PAG1: variants seen among roughly 807,000 people sequenced by gnomAD.
The protein encoded by PAG1 is phosphoprotein associated with glycosphingolipid-enriched microdomains 1.
A neutral mutation model predicts 31.7 loss-of-function variants in PAG1; 23 were observed. The observed-to-expected ratio is 0.73, with a 90% confidence interval of 0.52 to 1.03. The LOEUF (loss-of-function observed/expected upper bound fraction) is 1.03. PAG1 is among the 50% of genes least tolerant of loss of function. The pLI is 0.00. For missense variants in PAG1, 473 were observed against 540.7 expected (o/e 0.87, Z 1.24); for synonymous variants, 214 against 210.3 (o/e 1.02, Z -0.15).
intron 2 of PAG1, chr8:81,058,446 G>T (rs1351055139): frequency 1.3e-5 from 2 of 152,198 alleles, no homozygotes; most frequent in African/African-American, 4.8e-5. Context: ...ATTAACAATA[G>T]AATTGATTTG....
rs1227022705 is a variant in PAG1, at chr8:81,052,125, A to G, written c.-175+17987T>C. Among the ~76,000 whole-genome samples, 38 of 148,204 alleles carry G rather than the reference A, an allele frequency of 2.6e-4. No homozygotes were observed. The East Asian group carries it at 7.3e-3, about 28-fold the overall frequency. On this transcript the variant is annotated intron_variant, in intron 2 of 8. Coordinates refer to ENST00000220597, the MANE Select transcript of PAG1 (RefSeq NM_018440.4). ...AGCCCGGGCGACAGAGCGAGACTCC[A>G]TCTCAAAAAAAAAAAAAAAAGACTA...
chr8:81,043,065 C>A (rs543005487), intron 2 of PAG1, among the ~76,000 whole-genome samples: 1 of 152,050 alleles, frequency 6.6e-6, no homozygotes, highest in Non-Finnish European at 1.5e-5. Context: ...TTAATAGTTC[C>A]CTTTAAAATG....
chr8:80,982,885 TC>T (rs1282966006), intron 7 of PAG1, among the ~76,000 whole-genome samples: 1 of 152,190 alleles, frequency 6.6e-6, no homozygotes, highest in Non-Finnish European at 1.5e-5. Context: ...TCTTCCCTGA[TC>T]CAGGCCACCG....
At chr8:81,070,540 C>T (rs1432182074) in intron 1 of PAG1, among the ~76,000 whole-genome samples, 1 of 152,058 alleles carries the variant, frequency 6.6e-6, no homozygotes, top group Admixed American at 6.5e-5. Flanking sequence ...GGAGTTATCA[C>T]CAGCACTGCA....
rs947291763 is a variant in PAG1, at chr8:80,976,488, A to G, written c.*56T>C. The G allele has an allele frequency of 6.6e-7, 1 of 1,524,576 alleles. No individual in the cohort carries two copies. The allele number at this position is 1,524,576 out of a possible 1,614,324, so 94.4% of individuals were successfully genotyped here. ...GTTTGTGTCACTTCTTCTCTTCCAC[A>G]GAAGAAACGTCTCCAGACACTGATC... On this transcript the variant is annotated 3_prime_UTR_variant, in exon 9 of 9. Transcript: ENST00000220597.
chr8:81,110,064 C>G (rs986053378), intron 1 of PAG1, among the ~76,000 whole-genome samples: 1 of 152,026 alleles, frequency 6.6e-6, no homozygotes, highest in Non-Finnish European at 1.5e-5. Flanking sequence ...AAAAAAAAAC[C>G]CTTTACACTT....
chr8:81,085,969 C>CTTTTTTTT (rs1563425286), intron 1 of PAG1, among the ~76,000 whole-genome samples: 2 of 79,040 alleles, frequency 2.5e-5, no homozygotes, highest in Admixed American at 1.5e-4. Flanking sequence ...TTTAATCTGG[C>CTTTTTTTT]TTGTTTTTTT....
chr8:80,977,402 C>T (rs1316715652), intron 8 of PAG1, among the ~76,000 whole-genome samples: 1 of 152,210 alleles, frequency 6.6e-6, no homozygotes, highest in East Asian at 1.9e-4. Context: ...CCCAGAACCA[C>T]CAAATCAGAA....
chr8:81,061,923 T>C (rs552361047), intron 2 of PAG1, among the ~76,000 whole-genome samples: 14 of 152,286 alleles, frequency 9.2e-5, no homozygotes, highest in African/African-American at 2.4e-4. Flanking sequence ...AAAAGGATGA[T>C]AGACAGCAAA....
intron 2 of PAG1, among the ~76,000 whole-genome samples, chr8:81,036,230 T>A (rs1808460315): frequency 6.6e-6 from 1 of 152,164 alleles, no homozygotes; most frequent in Non-Finnish European, 1.5e-5. Context: ...TAAGACTGGA[T>A]AAAGTTAAAA....
At chr8:81,110,473 A>T (rs968605193) in intron 1 of PAG1, among the ~76,000 whole-genome samples, 2 of 152,244 alleles carry the variant, frequency 1.3e-5, no homozygotes, top group Non-Finnish European at 2.9e-5. Flanking sequence ...TCTCGGGAAC[A>T]GCTGAGAAAG....
rs1360252799 is a variant in PAG1 at position 80,969,415 on chromosome 8, G to C, written c.*7129C>G. On this transcript the variant is annotated 3_prime_UTR_variant, in exon 9 of 9. Coordinates refer to ENST00000220597, the MANE Select transcript of PAG1 (RefSeq NM_018440.4). Reference sequence around the variant, plus strand: ...GAGAAGGGCACTGCTGTCTTTCAGGGAAGCCTTCACTACCTAAATGAGGAG... The same window carrying C: ...GAGAAGGGCACTGCTGTCTTTCAGGCAAGCCTTCACTACCTAAATGAGGAG... 6.6e-6 allele frequency: 1 copy of C among 152,028 alleles called. No individual in the cohort carries two copies. The highest frequency in any genetic ancestry group is 2.4e-5 in the African/African-American group (1 of 41,368). The allele number at this position is 152,028 out of a possible 1,614,324, so 9.4% of individuals were successfully genotyped here.
rs368737475 is a variant in PAG1, at chr8:81,090,495, A to G, written c.-233-20325T>C. ...GAGGAAATAAATATTAAGATGTGAC[A>G]TCGGCCTTCAAGAAGCTCATAGTCC... On this transcript the variant is annotated intron_variant, in intron 1 of 8. Transcript: ENST00000220597. 2.0e-5 allele frequency among the ~76,000 whole-genome samples: 3 copies of G among 152,268 alleles called. No individual in the cohort carries two copies. In the East Asian group the frequency reaches 5.8e-4, roughly 29 times the overall value.
At chr8:81,042,648 A>C (rs765153651) in intron 2 of PAG1, among the ~76,000 whole-genome samples, 3 of 151,966 alleles carry the variant, frequency 2.0e-5, no homozygotes, top group Non-Finnish European at 4.4e-5. Context: ...GTAAAAGAGA[A>C]AGGGGGGTGA....
intron 8 of PAG1, among the ~76,000 whole-genome samples, chr8:80,978,951 C>G (rs374916782): frequency 6.6e-6 from 1 of 152,174 alleles, no homozygotes; most frequent in Non-Finnish European, 1.5e-5. Flanking sequence ...CCCCATTTCT[C>G]TTCTTTTTCT....
chr8:80,985,456 T>G, intron 6 of PAG1, 79 bp from the exon 7 acceptor site: 3 of 1,444,380 alleles, frequency 2.1e-6, no homozygotes, highest in Non-Finnish European at 2.8e-6. Context: ...AATATAAAGT[T>G]AGGTTAAATC....
intron 3 of PAG1, among the ~76,000 whole-genome samples, chr8:81,002,395 C>G (rs1253775034): frequency 1.3e-5 from 2 of 152,190 alleles, no homozygotes; most frequent in Non-Finnish European, 2.9e-5. Flanking sequence ...ACAAATGCCC[C>G]CTTTCGGCAG....
intron 1 of PAG1, among the ~76,000 whole-genome samples, chr8:81,080,626 A>G (rs1809251028): frequency 6.6e-6 from 1 of 152,182 alleles, no homozygotes; most frequent in African/African-American, 2.4e-5. Flanking sequence ...AGAGAATTTG[A>G]GAATGTACAC....
chr8:81,065,404 GA>G (rs1425630748), intron 2 of PAG1, among the ~76,000 whole-genome samples: 1 of 151,922 alleles, frequency 6.6e-6, no homozygotes, highest in Non-Finnish European at 1.5e-5. Context: ...TGGAAATCAA[GA>G]AGTGAAATCT....
Sources: gnomAD v4.1 joint callset for allele counts (sites outside exome capture counted in the v4.1 genomes callset) on GRCh38, gnomAD v4.1.1 for gene constraint, MANE v1.5 for transcripts, NCBI Gene and HGNC (gene_info 2026-07-23, HGNC 2026-07-21) for gene names.